The following VAV1 variants were observed in gnomAD, a reference collection of about 807,000 sequenced individuals.
VAV1 encodes proto-oncogene vav.
VAV1 carries 33 observed loss-of-function variants against 128.1 expected under a neutral mutation model. The observed-to-expected ratio is 0.26, with a 90% CI of 0.20 to 0.34. VAV1 has a LOEUF of 0.34. VAV1 is among the 10% of genes least tolerant of loss of function. The pLI is 1.00. For synonymous variants in VAV1, 394 were observed against 409.8 expected, an observed-to-expected ratio of 0.96 and a Z score of 0.47; for missense variants, 715 against 1,093.7, an observed-to-expected ratio of 0.65 and a Z score of 4.88.
intron 1 of VAV1, among the ~76,000 whole-genome samples, chr19:6,807,803 C>T (rs28873729): frequency 0.72 from 109,337 of 151,420 alleles, 41,801 homozygotes; most frequent in South Asian, 0.85. Flanking sequence ...CTAGTCTGAC[C>T]AAGATGGTGA....
At chr19:6,799,726 T>C (rs1251804462) in intron 1 of VAV1, among the ~76,000 whole-genome samples, 7 of 151,156 alleles carry the variant, frequency 4.6e-5, no homozygotes, top group Non-Finnish European at 1.0e-4. Context: ...ATGCCTGTAG[T>C]CCTAACTCTT....
intron 21 of VAV1, among the ~76,000 whole-genome samples, chr19:6,841,779 T>A (rs1401441690): frequency 1.3e-5 from 2 of 151,632 alleles, no homozygotes; most frequent in Admixed American, 1.3e-4. Context: ...CAGCACATAC[T>A]GTTTTTCATA....
At chr19:6,851,158 A>T (rs1190661127) in intron 24 of VAV1, among the ~76,000 whole-genome samples, 1 of 151,732 alleles carries the variant, frequency 6.6e-6, no homozygotes, top group African/African-American at 2.4e-5. Context: ...ATTTTTATAT[A>T]TATAGATAGA....
chr19:6,800,525 G>T (rs377554226), intron 1 of VAV1, among the ~76,000 whole-genome samples: 2 of 151,926 alleles, frequency 1.3e-5, no homozygotes, highest in African/African-American at 4.8e-5. Flanking sequence ...GGCCAGGCGC[G>T]TCTCAAACTC....
chr19:6,807,989 CAAAAAAA>C (rs980612666), intron 1 of VAV1, among the ~76,000 whole-genome samples: 3 of 52,294 alleles, frequency 5.7e-5, no homozygotes, highest in Non-Finnish European at 1.2e-4. Context: ...GACTCTGTCT[CAAAAAAA>C]AAAAAAAAAA....
In VAV1 at chr19:6,777,808, G is replaced by GT. The variant is rs142982570; in HGVS notation, c.204+4805dup. Among the ~76,000 whole-genome samples the GT allele has an allele frequency of 0.084, 12,732 of 151,920 alleles. 599 individuals carry two copies. Among genetic ancestry groups the GT allele is most frequent in the African/African-American group, 0.11 (4,508 of 41,412 alleles). Reference sequence around the variant, plus strand: ...CACCCAACTCTCAATTATGAATTTTGTTTTTTTTAAATGAGACAGAGCCTT... The same window carrying GT: ...CACCCAACTCTCAATTATGAATTTTGTTTTTTTTTAAATGAGACAGAGCCTT... On this transcript the variant is annotated intron_variant, in intron 1 of 26. Transcript: ENST00000602142. This position sits in a 1 kb window ranked among gnomAD's most constrained non-coding sequence, Gnocchi z 4.4.
In VAV1 at chr19:6,828,271, G is replaced by A. The variant is rs1355662615; in HGVS notation, c.1023+100G>A. ...CTTCTGGGGGTTGGGTCTCTAGGAC[G>A]CTCGGGGATGGGTCACTGGGGTCAT... On this transcript the variant is annotated intron_variant, in intron 10 of 26. Coordinates refer to ENST00000602142, the MANE Select transcript of VAV1 (RefSeq NM_005428.4). The surrounding 1 kb of genome is among the most constrained non-coding windows in gnomAD (Gnocchi z 4.5). 7 of 1,510,946 alleles carry A rather than the reference G, an allele frequency of 4.6e-6. No individual in the cohort carries two copies. In the South Asian group the frequency reaches 5.8e-5, roughly 13 times the overall value. The allele number at this position is 1,510,946 out of a possible 1,614,324, so 93.6% of individuals were successfully genotyped here. A position where few individuals can be genotyped will look rare whatever the true frequency, so the allele number is the denominator to read the frequency against.
At chr19:6,780,782 C>T (rs1478115899) in intron 1 of VAV1, among the ~76,000 whole-genome samples, 4 of 150,352 alleles carry the variant, frequency 2.7e-5, no homozygotes, top group African/African-American at 9.7e-5. Flanking sequence ...CCATGTTGAC[C>T]AGGCTGGTCT....
intron 14 of VAV1, among the ~76,000 whole-genome samples, chr19:6,830,346 C>T (rs1426958371): frequency 6.6e-6 from 1 of 151,688 alleles, no homozygotes; most frequent in East Asian, 2.0e-4. Context: ...CGTGAGCCCA[C>T]TCAACAGTTT....
chr19:6,842,051 AC>A (rs1412348004), intron 21 of VAV1, among the ~76,000 whole-genome samples: 1 of 151,452 alleles, frequency 6.6e-6, no homozygotes, highest in African/African-American at 2.4e-5. Context: ...CATGGAAGAA[AC>A]CCCATCTCTA....
At chr19:6,838,752 G>A (rs987436286) in intron 21 of VAV1, among the ~76,000 whole-genome samples, 7 of 151,922 alleles carry the variant, frequency 4.6e-5, no homozygotes, top group African/African-American at 1.7e-4. Context: ...GTTTTAGAGA[G>A]AGGGTCTCAT....
chr19:6,823,627 T>C (rs2144773796), intron 6 of VAV1, among the ~76,000 whole-genome samples: 1 of 151,814 alleles, frequency 6.6e-6, no homozygotes, highest in East Asian at 1.9e-4. Context: ...TCCTCTTGTC[T>C]CTCTGTCTCT....
At position 6,825,124 on chromosome 19, in the gene VAV1, G is replaced by A. The variant is rs762595879; in HGVS notation, c.723+3G>A. ...AGATCATCTTTATCAACATTGAGGT[G>A]AGCCGGCCGATCCCCAGCCCTCTTG... On this transcript the variant is annotated splice_donor_region_variant and intron_variant, in intron 7 of 26. Coordinates refer to ENST00000602142, the MANE Select transcript of VAV1 (RefSeq NM_005428.4). 6.2e-7 allele frequency: 1 copy of A among 1,611,276 alleles called. No homozygotes were observed. Among genetic ancestry groups the A allele is most frequent in the East Asian group, 2.2e-5 (1 of 44,880 alleles).
Position 6,777,379 on chromosome 19 carries a change from C to T in VAV1, c.204+4368C>T, listed in dbSNP as rs139881196. On this transcript the variant is annotated intron_variant, in intron 1 of 26. Coordinates refer to ENST00000602142, the MANE Select transcript of VAV1 (RefSeq NM_005428.4). This position sits in a 1 kb window ranked among gnomAD's most constrained non-coding sequence, Gnocchi z 4.4. ...AAAACCCCTGTTGTTGAGGAGCCTG[C>T]ATTCTAGTGGGGGAGGCTGACAGTG... Among the ~76,000 whole-genome samples the T allele has an allele frequency of 6.6e-6, 1 of 152,232 alleles. No individual in the cohort carries two copies. The highest frequency in any genetic ancestry group is 1.9e-4 in the East Asian group (1 of 5,188).
chr19:6,822,437 G>A lies in VAV1; in HGVS notation c.577G>A (p.Asp193Asn). The change falls in exon 6 of 27, where the codon GAC becomes AAC. Residue 193 changes from aspartate to asparagine, a missense_variant. By Grantham distance (23) the Asp-to-Asn change is conservative (BLOSUM62 1). Coordinates refer to ENST00000602142, the MANE Select transcript of VAV1 (RefSeq NM_005428.4). The surrounding 1 kb of genome is among the most constrained non-coding windows in gnomAD (Gnocchi z 5.9). ...VSMPPKMTEY[D>N]KRCCCLREIQ... ...CTCTCAGCCCAAGATGACAGAGTAT[G>A]ACAAGCGCTGCTGCTGCCTGCGGGA... The A allele has an allele frequency of 6.4e-7, 1 of 1,562,656 alleles. No homozygotes were observed. The highest frequency in any genetic ancestry group is 1.2e-5 in the South Asian group (1 of 85,036).
At chr19:6,819,661 G>T (rs1285187403) in intron 1 of VAV1, among the ~76,000 whole-genome samples, 1 of 152,164 alleles carries the variant, frequency 6.6e-6, no homozygotes, top group Admixed American at 6.5e-5. Context: ...CAACTCTACT[G>T]ACGAGTCTGC....
intron 1 of VAV1, among the ~76,000 whole-genome samples, chr19:6,806,466 G>T (rs374290284): frequency 1.3e-5 from 2 of 152,148 alleles, no homozygotes; most frequent in African/African-American, 4.8e-5. Flanking sequence ...TTTAAGTATG[G>T]CTTCATTCAG....
intron 26 of VAV1, among the ~76,000 whole-genome samples, chr19:6,856,663 G>C (rs1049540362): frequency 6.6e-5 from 10 of 150,594 alleles, no homozygotes; most frequent in Non-Finnish European, 1.3e-4. Context: ...GGTGGAGGTT[G>C]CAATAAGCTG....
intron 21 of VAV1, among the ~76,000 whole-genome samples, chr19:6,837,864 A>G (rs2660480): frequency 2.6e-5 from 4 of 152,226 alleles, no homozygotes; most frequent in African/African-American, 7.2e-5. Flanking sequence ...AGAGCAAGAT[A>G]TTAAAAGACA....
Sources: allele counts gnomAD v4.1 joint callset (sites outside exome capture counted in the v4.1 genomes callset), GRCh38; gene constraint gnomAD v4.1.1; non-coding constraint Gnocchi (gnomAD v3.1); transcripts MANE v1.5; gene names NCBI Gene and HGNC (gene_info 2026-07-23, HGNC 2026-07-21).